DNAH11: variants seen among roughly 807,000 people sequenced by gnomAD.
DNAH11 encodes axonemal beta dynein heavy chain 11.
In DNAH11, 442 loss-of-function variants were observed where a neutral mutation model predicts 526.0. That is an observed-to-expected ratio of 0.84 (90% CI 0.78 to 0.91). The LOEUF is 0.91. Ranked by LOEUF, DNAH11 falls within the 40% of genes least tolerant of loss-of-function variation. The probability of loss-of-function intolerance (pLI) is 0.00; values close to 1 mark genes in which losing one functional copy is unlikely to be tolerated. For missense variants in DNAH11, 6,989 were observed against 5,448.7 expected, an observed-to-expected ratio of 1.28 and a Z score of -8.90; for synonymous variants, 2,461 against 1,935.9, an observed-to-expected ratio of 1.27 and a Z score of -7.12.
intron 2 of DNAH11, among the ~76,000 whole-genome samples, chr7:21,548,986 A>G (rs950782023): frequency 1.3e-5 from 2 of 151,918 alleles, no homozygotes; most frequent in African/African-American, 4.8e-5. Context: ...AGTTCAAGCA[A>G]TTCTCCTACC....
At chr7:21,734,165 T>C (rs1245983173) in intron 45 of DNAH11, among the ~76,000 whole-genome samples, 1 of 152,234 alleles carries the variant, frequency 6.6e-6, no homozygotes, top group African/African-American at 2.4e-5. Context: ...CTAGTAGCTA[T>C]GACCTTGACC....
intron 14 of DNAH11, among the ~76,000 whole-genome samples, chr7:21,598,256 G>A (rs1784939733): frequency 1.3e-5 from 2 of 152,124 alleles, no homozygotes; most frequent in Non-Finnish European, 2.9e-5. Context: ...TTCCTCCCTT[G>A]GGTATCTGCC....
At chr7:21,779,413 C>T (rs1185416785) in intron 57 of DNAH11, among the ~76,000 whole-genome samples, 1 of 152,104 alleles carries the variant, frequency 6.6e-6, no homozygotes, top group Non-Finnish European at 1.5e-5. Flanking sequence ...CAGGAAGTCA[C>T]CTCTGAGGTT....
chr7:21,616,574 C>T (rs139533796), intron 22 of DNAH11, among the ~76,000 whole-genome samples: 3 of 152,106 alleles, frequency 2.0e-5, no homozygotes, highest in Admixed American at 6.6e-5. Context: ...GGAACATTAT[C>T]AGGGCCAAGG....
At chr7:21,704,649 T>A (rs747492835) in intron 38 of DNAH11, 21 bp downstream of exon 38, 30 of 1,581,728 alleles carry the variant, frequency 1.9e-5, no homozygotes, top group Non-Finnish European at 2.5e-5. Context: ...CATTTGCTTT[T>A]CATGGCAGCT....
Position 21,880,838 on chromosome 7 carries a change from G to A in DNAH11, c.12332G>A (p.Gly4111Glu). The A allele has an allele frequency of 6.2e-7, 1 of 1,613,848 alleles. No individual in the cohort carries two copies. Among genetic ancestry groups the A allele is most frequent in the Non-Finnish European group, 8.5e-7 (1 of 1,179,864 alleles). The change falls in exon 75 of 82, where the codon GGA (glycine) becomes GAA (glutamate). Residue 4111 changes from glycine to glutamate, a missense_variant. By Grantham distance (98) the Gly-to-Glu change is moderately conservative. Transcript: ENST00000409508. ...AGCCGAAGCTATCCTTTTAATCCTGGAGACCTCACCATTTGTGCCAGTGTC... is the reference window on the plus strand; with the variant it reads ...AGCCGAAGCTATCCTTTTAATCCTGAAGACCTCACCATTTGTGCCAGTGTC... ...GWSRSYPFNP[G>E]DLTICASVLY...
intron 18 of DNAH11, 95 bp from the exon 19 acceptor site, chr7:21,606,331 A>T: frequency 9.2e-7 from 1 of 1,091,834 alleles, no homozygotes; most frequent in Non-Finnish European, 1.3e-6. Flanking sequence ...TCAAGAGAAA[A>T]AAAAAAAAGA....
intron 36 of DNAH11, among the ~76,000 whole-genome samples, chr7:21,700,030 A>G (rs74298644): frequency 0.024 from 3,619 of 152,300 alleles, 100 homozygotes; most frequent in East Asian, 0.15. Context: ...AATGAGTACT[A>G]TGTGTTATGT....
Position 21,749,683 on chromosome 7 carries a change from T to C in DNAH11, c.8679T>C (p.Asp2893=). The C allele has an allele frequency of 1.2e-6, 2 of 1,613,954 alleles. No homozygotes were observed. The highest frequency in any genetic ancestry group is 1.7e-6 in the Non-Finnish European group (2 of 1,179,848). ...EGYGIQELRV[D]LANLYIRTGA... is the part of the protein sequence containing the mutation. ...GTGATGGCCTTTCCTTACAGGTAGATCTTGCCAATTTGTACATCCGAACTG... is the reference window on the plus strand; with the variant it reads ...GTGATGGCCTTTCCTTACAGGTAGACCTTGCCAATTTGTACATCCGAACTG... The change falls in exon 53 of 82, where the codon GAT becomes GAC. Residue 2893 remains aspartate, a synonymous_variant. Coordinates refer to ENST00000409508, the MANE Select transcript of DNAH11 (RefSeq NM_001277115.2).
rs764127139 is a variant in DNAH11 at position 21,601,060 on chromosome 7, T to C, written c.3306T>C (p.Phe1102=). 49 of 1,612,028 alleles carry C rather than the reference T, an allele frequency of 3.0e-5. No individual in the cohort carries two copies. Among genetic ancestry groups the C allele is most frequent in the East Asian group, 2.0e-4 (9 of 44,878 alleles). ...LYVQMSKFED[F]RVFDSWFKVD... ...TTCAAATGAGCAAATTTGAGGACTT[T>C]AGAGTGTTTGATAGTTGGTTCAAGG... The change falls in exon 17 of 82, where the codon TTT becomes TTC. Residue 1102 remains phenylalanine, a synonymous_variant. Transcript: ENST00000409508.
chr7:21,689,493 C>T (rs1419274263), intron 34 of DNAH11, among the ~76,000 whole-genome samples: 1 of 152,290 alleles, frequency 6.6e-6, no homozygotes, highest in East Asian at 1.9e-4. Flanking sequence ...ATTACAAAGC[C>T]TTCTAGTGCC....
chr7:21,625,314 T>C (rs1786277407), intron 25 of DNAH11, among the ~76,000 whole-genome samples: 1 of 152,182 alleles, frequency 6.6e-6, no homozygotes, highest in African/African-American at 2.4e-5. Context: ...TAACTGTTCA[T>C]AGTAGTCTCT....
chr7:21,773,044 A>T (rs1172025088), intron 55 of DNAH11, among the ~76,000 whole-genome samples: 2 of 152,148 alleles, frequency 1.3e-5, no homozygotes, highest in East Asian at 1.9e-4. Flanking sequence ...GATTAACTGA[A>T]CCTGGTTCAT....
chr7:21,619,747 A>G (rs994134603), intron 24 of DNAH11, among the ~76,000 whole-genome samples: 1 of 152,156 alleles, frequency 6.6e-6, no homozygotes, highest in African/African-American at 2.4e-5. Context: ...TAGAAGTTTG[A>G]TGTTAGTGTG....
chr7:21,818,381 G>A lies in DNAH11; in HGVS notation c.10691+42G>A, dbSNP rs372148206. ...TTTTAACATATATATCTTGCTAAAT[G>A]ATTTTCAGCAGCAGCATCTCTTAGC... On this transcript the variant is annotated intron_variant, in intron 65 of 81. Coordinates refer to ENST00000409508, the MANE Select transcript of DNAH11 (RefSeq NM_001277115.2). The A allele has an allele frequency of 1.3e-5, 21 of 1,578,954 alleles. No homozygotes were observed. The African/African-American group carries it at 2.9e-4, about 22-fold the overall frequency.
At chr7:21,550,205 G>A (rs1352703523) in intron 2 of DNAH11, among the ~76,000 whole-genome samples, 3 of 151,802 alleles carry the variant, frequency 2.0e-5, no homozygotes, top group African/African-American at 4.8e-5. Flanking sequence ...TTAGCTGTTT[G>A]CACAGCCAGC....
At chr7:21,777,974 C>T (rs7802870) in intron 56 of DNAH11, among the ~76,000 whole-genome samples, 22,037 of 152,048 alleles carry the variant, frequency 0.14, 2,256 homozygotes, top group East Asian at 0.34. Flanking sequence ...TTGTTCTTTG[C>T]TGCTATGATT....
intron 6 of DNAH11, among the ~76,000 whole-genome samples, chr7:21,567,383 A>G (rs139112210): frequency 5.1e-4 from 78 of 152,300 alleles, no homozygotes; most frequent in East Asian, 3.7e-3. Context: ...CCTATGTTAC[A>G]TATTAGAGGT....
chr7:21,694,013 C>G (rs1054146312), intron 35 of DNAH11, among the ~76,000 whole-genome samples: 1 of 152,096 alleles, frequency 6.6e-6, no homozygotes, highest in African/African-American at 2.4e-5. Context: ...AACTCACTCA[C>G]CATCATGAAA....
Sources: allele counts gnomAD v4.1 joint callset (sites outside exome capture counted in the v4.1 genomes callset), GRCh38; gene constraint gnomAD v4.1.1; transcripts MANE v1.5; gene names NCBI Gene and HGNC (gene_info 2026-07-23, HGNC 2026-07-21).